RANBP17: variants seen among roughly 807,000 people sequenced by gnomAD.
RANBP17 encodes the protein RAN binding protein 17.
In RANBP17, 158 loss-of-function variants were observed where a neutral mutation model predicts 141.2. That is an observed-to-expected ratio of 1.12 (90% CI 0.98 to 1.28). The LOEUF is 1.28. RANBP17 is among the 50% of genes most tolerant of loss of function. RANBP17 has a pLI of 0.00. For missense variants in RANBP17, 1,438 were observed against 1,290.7 expected (o/e 1.11, Z -1.75); for synonymous variants, 430 against 450.0 (o/e 0.96, Z 0.56).
At chr5:170,932,652 A>G (rs1490585107) in intron 12 of RANBP17, among the ~76,000 whole-genome samples, 3 of 152,156 alleles carry the variant, frequency 2.0e-5, no homozygotes, top group African/African-American at 7.2e-5. Flanking sequence ...CCTTTTCTGC[A>G]TCTATTGAGA....
At chr5:171,105,571 A>G (rs1250515849) in intron 14 of RANBP17, among the ~76,000 whole-genome samples, 1 of 151,802 alleles carries the variant, frequency 6.6e-6, no homozygotes, top group Non-Finnish European at 1.5e-5. Flanking sequence ...AGATTAGCTG[A>G]GTGGGTATGG....
At chr5:170,932,356 G>A (rs868347895) in intron 12 of RANBP17, among the ~76,000 whole-genome samples, 1 of 152,120 alleles carries the variant, frequency 6.6e-6, no homozygotes, top group Non-Finnish European at 1.5e-5. Context: ...TCTGCAAACA[G>A]GGACAATTTG....
intron 12 of RANBP17, among the ~76,000 whole-genome samples, chr5:170,948,910 G>A (rs938033539): frequency 1.3e-5 from 2 of 152,102 alleles, no homozygotes; most frequent in African/African-American, 2.4e-5. Context: ...CCAGCAGTTT[G>A]GGAGGCCAAG....
chr5:171,109,107 A>C (rs1755045221), intron 14 of RANBP17, among the ~76,000 whole-genome samples: 1 of 152,218 alleles, frequency 6.6e-6, no homozygotes, highest in Admixed American at 6.5e-5. Flanking sequence ...GACACAGAAA[A>C]CGGTATACAG....
intron 20 of RANBP17, among the ~76,000 whole-genome samples, chr5:171,211,630 T>TA (rs1177940726): frequency 2.4e-3 from 337 of 137,748 alleles, no homozygotes; most frequent in African/African-American, 9.6e-3. Context: ...AGGGCAGGGT[T>TA]TTTTTTTTTT....
At chr5:171,006,658 A>C (rs1013115190) in intron 14 of RANBP17, among the ~76,000 whole-genome samples, 16 of 151,884 alleles carry the variant, frequency 1.1e-4, no homozygotes, top group African/African-American at 3.6e-4. Flanking sequence ...TGACGAGTTA[A>C]TGGGTGCAGC....
intron 13 of RANBP17, among the ~76,000 whole-genome samples, chr5:170,967,280 CAT>C (rs1015178738): frequency 6.6e-6 from 1 of 152,036 alleles, no homozygotes; most frequent in Non-Finnish European, 1.5e-5. Context: ...CTCTGGAAGA[CAT>C]ATAAACTATT....
intron 14 of RANBP17, among the ~76,000 whole-genome samples, chr5:171,093,703 A>AT (rs1280856094): frequency 6.6e-5 from 10 of 152,214 alleles, no homozygotes; most frequent in African/African-American, 1.9e-4. Context: ...AAGTAATCAG[A>AT]TTAAGTATGT....
chr5:170,930,381 T>C (rs937526759), intron 12 of RANBP17, among the ~76,000 whole-genome samples: 1 of 151,518 alleles, frequency 6.6e-6, no homozygotes, highest in Non-Finnish European at 1.5e-5. Flanking sequence ...ATTACTTTTT[T>C]CTAATCTTTT....
intron 19 of RANBP17, 125 bp from the exon 20 acceptor site, chr5:171,205,399 G>A (rs1762519603): frequency 1.4e-6 from 1 of 705,296 alleles, no homozygotes; most frequent in African/African-American, 1.8e-5. Context: ...TGTAGAAAGA[G>A]GTCTGAACGA....
chr5:171,030,116 C>T (rs1781465436), intron 14 of RANBP17, among the ~76,000 whole-genome samples: 1 of 151,988 alleles, frequency 6.6e-6, no homozygotes, highest in African/African-American at 2.4e-5. Flanking sequence ...CTCCTGGTCA[C>T]TAGGAAGAAG....
chr5:171,109,963 T>C (rs918935979), intron 14 of RANBP17, among the ~76,000 whole-genome samples: 1 of 152,112 alleles, frequency 6.6e-6, no homozygotes, highest in Non-Finnish European at 1.5e-5. Flanking sequence ...GTTAGAAAAT[T>C]GCATATTTAG....
intron 15 of RANBP17, 140 bp from the exon 16 acceptor site, chr5:171,171,066 A>T: frequency 1.9e-6 from 1 of 538,746 alleles, no homozygotes; most frequent in South Asian, 2.9e-5. Flanking sequence ...AAGAATAGAC[A>T]ATGTTTTTGA....
chr5:170,971,018 C>T (rs530441854), intron 14 of RANBP17, among the ~76,000 whole-genome samples: 52 of 152,190 alleles, frequency 3.4e-4, no homozygotes, highest in East Asian at 2.3e-3. Flanking sequence ...TATAGGAATT[C>T]GGCCTAGATC....
chr5:171,074,693 G>A (rs749739206), intron 14 of RANBP17, among the ~76,000 whole-genome samples: 23 of 152,104 alleles, frequency 1.5e-4, no homozygotes, highest in Non-Finnish European at 3.1e-4. Flanking sequence ...GCATCTCTTC[G>A]TTGATCATCC....
At chr5:171,003,905 A>G (rs1008745392) in intron 14 of RANBP17, among the ~76,000 whole-genome samples, 10 of 152,150 alleles carry the variant, frequency 6.6e-5, no homozygotes, top group Admixed American at 1.3e-4. Context: ...TGAGTTGTGG[A>G]GGAAGATATT....
intron 14 of RANBP17, among the ~76,000 whole-genome samples, chr5:171,038,186 G>GTT (rs1782009972): frequency 6.6e-6 from 1 of 151,684 alleles, no homozygotes; most frequent in South Asian, 2.1e-4. Context: ...GTGTGTGTGT[G>GTT]TGTGTGTGTG....
At chr5:171,264,519 A>T (rs2128018633) in intron 24 of RANBP17, among the ~76,000 whole-genome samples, 1 of 152,316 alleles carries the variant, frequency 6.6e-6, no homozygotes, top group East Asian at 1.9e-4. Context: ...TAAGCTCCCT[A>T]AAACTCAGTG....
intron 14 of RANBP17, among the ~76,000 whole-genome samples, chr5:171,031,696 A>G (rs1175782470): frequency 2.0e-5 from 3 of 152,060 alleles, no homozygotes; most frequent in Non-Finnish European, 2.9e-5. Flanking sequence ...CTTTAAATGC[A>G]TCCAAGATGC....
Sources: allele counts gnomAD v4.1 joint callset (sites outside exome capture counted in the v4.1 genomes callset), GRCh38; gene constraint gnomAD v4.1.1; transcripts MANE v1.5; gene names NCBI Gene and HGNC (gene_info 2026-07-23, HGNC 2026-07-21).